The following GBE1 variants were observed in gnomAD, a reference collection of about 807,000 sequenced individuals.
GBE1 encodes 1,4-alpha-glucan-branching enzyme.
Under a neutral mutation model 88.8 loss-of-function variants are expected in GBE1, and 70 were observed. That is an observed-to-expected ratio of 0.79 (90% CI 0.65 to 0.96). The LOEUF is 0.96. GBE1 is among the 40% of genes least tolerant of loss of function. The pLI, the probability that GBE1 is intolerant of heterozygous loss-of-function variation, is 0.00. For synonymous variants in GBE1, 284 were observed against 300.1 expected (o/e 0.95, Z 0.56); for missense variants, 872 against 871.0 (o/e 1.00, Z -0.01).
At chr3:81,623,024 G>T (rs1576173799) in intron 7 of GBE1, among the ~76,000 whole-genome samples, 1 of 152,086 alleles carries the variant, frequency 6.6e-6, no homozygotes, top group Non-Finnish European at 1.5e-5. Flanking sequence ...CAGAAAAAAT[G>T]ATCTTTTCAG....
intron 5 of GBE1, among the ~76,000 whole-genome samples, chr3:81,647,734 C>T (rs938533444): frequency 6.6e-6 from 1 of 152,082 alleles, no homozygotes; most frequent in Non-Finnish European, 1.5e-5. Context: ...TGTAACTATA[C>T]AACTATATTT....
At chr3:81,535,387 A>AT (rs1377322707) in intron 13 of GBE1, 62 bp from the exon 14 acceptor site, 13 of 1,487,268 alleles carry the variant, frequency 8.7e-6, no homozygotes, top group Admixed American at 2.3e-5. Flanking sequence ...CAAGTACATT[A>AT]TTTTTTGTCT....
intron 1 of GBE1, among the ~76,000 whole-genome samples, chr3:81,711,022 T>C (rs1485400503): frequency 1.3e-5 from 2 of 152,124 alleles, no homozygotes; most frequent in African/African-American, 4.8e-5. Context: ...GCGATAGGTA[T>C]GAAAACAAAA....
chr3:81,604,776 TTAAG>T (rs74405407), intron 7 of GBE1, among the ~76,000 whole-genome samples: 12,290 of 152,168 alleles, frequency 0.081, 642 homozygotes, highest in East Asian at 0.21. Context: ...TGAGGAAAAC[TTAAG>T]TAAGAAATTA....
chr3:81,516,806 C>G (rs1702804059), intron 14 of GBE1, among the ~76,000 whole-genome samples: 1 of 151,532 alleles, frequency 6.6e-6, no homozygotes. Flanking sequence ...AGTGGAAGAA[C>G]TAACTGCAGA....
At chr3:81,590,968 A>T (rs1186805595) in intron 9 of GBE1, 69 bp downstream of exon 9, 1 of 1,357,148 alleles carries the variant, frequency 7.4e-7, no homozygotes, top group African/African-American at 1.5e-5. Context: ...TGATTAATCA[A>T]ATACTGTATG....
Position 81,733,451 on chromosome 3 carries a change from C to T in GBE1, c.144-27838G>A, listed in dbSNP as rs1006643879. ...TGAATCATCCCAAAACAATCCCCTG[C>T]CCCCCATTCATGGAAAAATTGTCTT... On this transcript the variant is annotated intron_variant, in intron 1 of 15. Coordinates refer to ENST00000429644, the MANE Select transcript of GBE1 (RefSeq NM_000158.4). This position sits in a 1 kb window ranked among gnomAD's most constrained non-coding sequence, Gnocchi z 4.0. 6.6e-6 allele frequency among the ~76,000 whole-genome samples: 1 copy of T among 151,888 alleles called. No homozygotes were observed. The highest frequency in any genetic ancestry group is 1.5e-5 in the Non-Finnish European group (1 of 67,928).
intron 14 of GBE1, among the ~76,000 whole-genome samples, chr3:81,508,556 T>C (rs1702684762): frequency 6.6e-6 from 1 of 152,130 alleles, no homozygotes; most frequent in African/African-American, 2.4e-5. Flanking sequence ...TTAAAAAAAA[T>C]TGTGCTTTTA....
intron 14 of GBE1, among the ~76,000 whole-genome samples, chr3:81,527,592 T>C (rs1421074091): frequency 2.0e-5 from 3 of 152,156 alleles, no homozygotes; most frequent in Non-Finnish European, 4.4e-5. Flanking sequence ...AAGACATTTA[T>C]GCAGCCAAAA....
At chr3:81,525,233 A>T (rs1702927726) in intron 14 of GBE1, among the ~76,000 whole-genome samples, 2 of 152,036 alleles carry the variant, frequency 1.3e-5, no homozygotes, top group Non-Finnish European at 2.9e-5. Context: ...GAGAGTTTGT[A>T]GCATGAAGGG....
chr3:81,569,959 G>A (rs1703551056), intron 12 of GBE1, among the ~76,000 whole-genome samples: 1 of 151,874 alleles, frequency 6.6e-6, no homozygotes, highest in Non-Finnish European at 1.5e-5. Context: ...GATTACAGGT[G>A]CCTGCCACTA....
At chr3:81,721,304 T>A (rs1706032227) in intron 1 of GBE1, among the ~76,000 whole-genome samples, 1 of 147,020 alleles carries the variant, frequency 6.8e-6, no homozygotes, top group South Asian at 2.2e-4. Context: ...ACTAAATCTG[T>A]GTGCTAATAA....
chr3:81,498,062 G>T (rs1450425027), intron 15 of GBE1, among the ~76,000 whole-genome samples: 2 of 152,008 alleles, frequency 1.3e-5, no homozygotes, highest in Admixed American at 1.3e-4. Flanking sequence ...CATACATTTA[G>T]GGCAACACCT....
rs745368971 is a variant in GBE1, at chr3:81,696,954, AGGTAT to A, written c.313+8485_313+8489del. Among the ~76,000 whole-genome samples, 37 of 152,206 alleles carry A rather than the reference AGGTAT, an allele frequency of 2.4e-4. 1 individual carries two copies. Among genetic ancestry groups the A allele is most frequent in the Middle Eastern group, 3.4e-3 (1 of 294 alleles). ...CACAGAAGAGGACTTCTGTGACCAA[AGGTAT>A]GGGAACTTCTCCCCACCACCAAGCA... On this transcript the variant is annotated intron_variant, in intron 2 of 15. Transcript: ENST00000429644.
At chr3:81,737,445 A>ATT (rs1706282767) in intron 1 of GBE1, among the ~76,000 whole-genome samples, 2 of 144,078 alleles carry the variant, frequency 1.4e-5, no homozygotes, top group African/African-American at 5.1e-5. Context: ...TTACTTCAAA[A>ATT]TTATATATAT....
intron 2 of GBE1, among the ~76,000 whole-genome samples, chr3:81,701,384 T>C (rs1177659385): frequency 6.6e-6 from 1 of 152,184 alleles, no homozygotes; most frequent in African/African-American, 2.4e-5. Flanking sequence ...ACTAGTTTTT[T>C]AAAATGTGGA....
chr3:81,670,130 T>C (rs754276738), intron 3 of GBE1, among the ~76,000 whole-genome samples: 4 of 152,212 alleles, frequency 2.6e-5, no homozygotes. Flanking sequence ...GCTTCTCTTA[T>C]AATCAAATGC....
chr3:81,513,568 CA>C (rs900831748), intron 14 of GBE1, among the ~76,000 whole-genome samples: 7 of 135,462 alleles, frequency 5.2e-5, no homozygotes, highest in Non-Finnish European at 8.1e-5. Context: ...TTTGTTCCCC[CA>C]AAAAAAAAAC....
chr3:81,752,920 A>C (rs1321705440), intron 1 of GBE1, among the ~76,000 whole-genome samples: 2 of 152,206 alleles, frequency 1.3e-5, no homozygotes, highest in South Asian at 2.1e-4. Flanking sequence ...ATTTAACTTG[A>C]TATATTAGTT....
Sources: allele counts gnomAD v4.1 joint callset (sites outside exome capture counted in the v4.1 genomes callset), GRCh38; gene constraint gnomAD v4.1.1; non-coding constraint Gnocchi (gnomAD v3.1); transcripts MANE v1.5; gene names NCBI Gene and HGNC (gene_info 2026-07-23, HGNC 2026-07-21).